Variants in TRIM2 observed in about 807,000 individuals in gnomAD.
TRIM2 encodes the protein tripartite motif-containing protein 2.
A neutral mutation model predicts 75.2 loss-of-function variants in TRIM2; 20 were observed. The observed-to-expected ratio is 0.27, with a 90% CI of 0.19 to 0.39. The LOEUF (loss-of-function observed/expected upper bound fraction) is 0.39. Among genes scored for constraint, TRIM2 ranks in the 10% least tolerant of loss-of-function variants. The probability of loss-of-function intolerance (pLI) is 1.00; values close to 1 mark genes in which losing one functional copy is unlikely to be tolerated. For synonymous variants in TRIM2, 373 were observed against 388.3 expected, an observed-to-expected ratio of 0.96 and a Z score of 0.46; for missense variants, 660 against 990.8, an observed-to-expected ratio of 0.67 and a Z score of 4.48.
At chr4:153,186,133 C>T (rs1732572615) in intron 1 of TRIM2, among the ~76,000 whole-genome samples, 2 of 152,074 alleles carry the variant, frequency 1.3e-5, no homozygotes, top group Admixed American at 1.3e-4. Flanking sequence ...CAGCACAGAC[C>T]CCCACCACAA....
chr4:153,216,603 A>G (rs1233910430), intron 1 of TRIM2, among the ~76,000 whole-genome samples: 1 of 152,230 alleles, frequency 6.6e-6, no homozygotes, highest in Non-Finnish European at 1.5e-5. Context: ...ATGAATGTCC[A>G]AGTCCATTTG....
intron 3 of TRIM2, among the ~76,000 whole-genome samples, chr4:153,282,223 T>C (rs1759511072): frequency 6.6e-6 from 1 of 152,148 alleles, no homozygotes; most frequent in South Asian, 2.1e-4. Flanking sequence ...CCCCACACAA[T>C]TAGCTCTCAG....
chr4:153,300,382 A>G (rs1763625786), intron 6 of TRIM2, among the ~76,000 whole-genome samples: 2 of 152,008 alleles, frequency 1.3e-5, no homozygotes, highest in South Asian at 4.1e-4. Flanking sequence ...CTCAACCTCC[A>G]GATGCTCCCA....
chr4:153,244,126 CTTCTTCTTCTTCTTCTTGTTCTTCTTG>C (rs1747479261), intron 1 of TRIM2, among the ~76,000 whole-genome samples: 1 of 145,672 alleles, frequency 6.9e-6, no homozygotes, highest in Admixed American at 6.8e-5. Flanking sequence ...CTGCCATCTT[CTTCTTCTTCTTCTTCTTGTTCTTCTTG>C]TTCTTCTTCT....
At chr4:153,216,322 C>T (rs915425725) in intron 1 of TRIM2, among the ~76,000 whole-genome samples, 1 of 152,136 alleles carries the variant, frequency 6.6e-6, no homozygotes, top group Non-Finnish European at 1.5e-5. Flanking sequence ...AAGCCAGTAG[C>T]AATTTTCTTG....
chr4:153,314,278 G>T (rs1209493144), intron 6 of TRIM2, among the ~76,000 whole-genome samples: 1 of 145,480 alleles, frequency 6.9e-6, no homozygotes, highest in African/African-American at 2.8e-5. Context: ...AAATTAGCCG[G>T]GCGTAGTGGC....
intron 1 of TRIM2, among the ~76,000 whole-genome samples, chr4:153,230,082 T>C (rs1022390291): frequency 1.5e-4 from 23 of 152,348 alleles, no homozygotes; most frequent in Admixed American, 1.1e-3. Context: ...GTGTCCTAGA[T>C]CTGTCTTTCA....
chr4:153,285,283 C>T (rs1209946714), intron 3 of TRIM2, among the ~76,000 whole-genome samples: 1 of 152,136 alleles, frequency 6.6e-6, no homozygotes, highest in African/African-American at 2.4e-5. Flanking sequence ...CATCTTATTC[C>T]ATTGATCTAT....
chr4:153,275,819 A>AG, intron 2 of TRIM2, 74 bp from the exon 3 acceptor site: 1 of 1,360,736 alleles, frequency 7.3e-7, no homozygotes, highest in Non-Finnish European at 1.0e-6. Flanking sequence ...GTAGTCACTG[A>AG]GAACATGTAT....
chr4:153,174,229 A>G (rs1157828646), intron 1 of TRIM2, among the ~76,000 whole-genome samples: 2 of 151,382 alleles, frequency 1.3e-5, no homozygotes, highest in African/African-American at 4.9e-5. Context: ...AAGATGTGGC[A>G]GTGCCATTGA....
chr4:153,317,444 C>T (rs1579665182), intron 8 of TRIM2, among the ~76,000 whole-genome samples: 1 of 149,894 alleles, frequency 6.7e-6, no homozygotes, highest in Non-Finnish European at 1.5e-5. Context: ...GTCAGGAGAT[C>T]GAGACCATCC....
chr4:153,313,233 G>A (rs1193862813), intron 6 of TRIM2, among the ~76,000 whole-genome samples: 3 of 152,080 alleles, frequency 2.0e-5, no homozygotes, highest in Non-Finnish European at 4.4e-5. Context: ...ATTCTATGTG[G>A]GTCGTGTATT....
chr4:153,218,920 G>A (rs981225579), intron 1 of TRIM2, among the ~76,000 whole-genome samples: 1 of 152,120 alleles, frequency 6.6e-6, no homozygotes, highest in African/African-American at 2.4e-5. Flanking sequence ...TCTCAAAACA[G>A]TTTTTTATGC....
chr4:153,174,266 G>A (rs1229202317), intron 1 of TRIM2, among the ~76,000 whole-genome samples: 1 of 151,568 alleles, frequency 6.6e-6, no homozygotes, highest in African/African-American at 2.4e-5. Context: ...GTGTAAGAAC[G>A]GTGGCCCCCC....
intron 1 of TRIM2, among the ~76,000 whole-genome samples, chr4:153,213,871 A>AC (rs1387714800): frequency 6.6e-6 from 1 of 152,132 alleles, no homozygotes; most frequent in Admixed American, 6.6e-5. Flanking sequence ...TTTGTAACAA[A>AC]CCTACTATTA....
chr4:153,188,105 T>A (rs895615900), intron 1 of TRIM2, among the ~76,000 whole-genome samples: 1 of 152,146 alleles, frequency 6.6e-6, no homozygotes, highest in African/African-American at 2.4e-5. Context: ...CTCTAAATCA[T>A]AAGAAGCTGG....
chr4:153,323,342 G>A (rs1769417529), intron 9 of TRIM2, among the ~76,000 whole-genome samples: 1 of 152,162 alleles, frequency 6.6e-6, no homozygotes. Flanking sequence ...GCTGAAAATA[G>A]CTTATTAATT....
At position 153,222,855 on chromosome 4, in the gene TRIM2, G is replaced by T. The variant is rs147308349; in HGVS notation, c.30+18295G>T. 105 of 153,120 alleles carry T rather than the reference G, an allele frequency of 6.9e-4. No homozygotes were observed. In the East Asian group the frequency reaches 0.018, roughly 27 times the overall value. The allele number at this position is 153,120 out of a possible 1,614,324, so 9.5% of individuals were successfully genotyped here. Reference sequence around the variant, plus strand: ...CCTGAGGCTGCAGAAGGGCGGCTGCGGGGGAGGAAGGAGGAGGCGGAGAGG... The same window carrying T: ...CCTGAGGCTGCAGAAGGGCGGCTGCTGGGGAGGAAGGAGGAGGCGGAGAGG... On this transcript the variant is annotated intron_variant, in intron 1 of 11. Coordinates refer to ENST00000338700, the MANE Select transcript of TRIM2 (RefSeq NM_015271.5).
intron 1 of TRIM2, among the ~76,000 whole-genome samples, chr4:153,168,991 G>C (rs1730577953): frequency 6.6e-6 from 1 of 152,146 alleles, no homozygotes; most frequent in African/African-American, 2.4e-5. Flanking sequence ...TGAGGTGGGA[G>C]GATCACTTGA....
Sources: gnomAD v4.1 joint callset for allele counts (sites outside exome capture counted in the v4.1 genomes callset) on GRCh38, gnomAD v4.1.1 for gene constraint, MANE v1.5 for transcripts, NCBI Gene and HGNC (gene_info 2026-07-23, HGNC 2026-07-21) for gene names.